Variants in TAT observed in about 807,000 individuals in gnomAD.
TAT encodes L-tyrosine:2-oxoglutarate aminotransferase.
TAT carries 35 observed loss-of-function variants against 53.6 expected under a neutral mutation model. The ratio of observed to expected loss-of-function variants is 0.65; its 90% CI spans 0.50 to 0.87. The LOEUF (loss-of-function observed/expected upper bound fraction) is 0.87. TAT is among the 40% of genes least tolerant of loss of function. The probability of loss-of-function intolerance (pLI) is 0.00; values close to 1 mark genes in which losing one functional copy is unlikely to be tolerated. For missense variants in TAT, 525 were observed against 571.8 expected, an observed-to-expected ratio of 0.92 and a Z score of 0.83; for synonymous variants, 197 against 206.5, an observed-to-expected ratio of 0.95 and a Z score of 0.39.
At chr16:71,570,144 T>TA in intron 9 of TAT, 125 bp downstream of exon 9, 1 of 1,499,416 alleles carries the variant, frequency 6.7e-7, no homozygotes, top group Non-Finnish European at 9.1e-7. Context: ...TGTGGATGCT[T>TA]ACACCGATGC....
intron 3 of TAT, among the ~76,000 whole-genome samples, chr16:71,574,464 C>T (rs933573547): frequency 7.3e-5 from 11 of 151,570 alleles, no homozygotes; most frequent in Non-Finnish European, 1.3e-4. Context: ...GCCTGTAATC[C>T]GAGCTACTCA....
rs764951157 is a variant in TAT, at chr16:71,575,923, G to A, written c.339C>T (p.Ile113=). The A allele has an allele frequency of 4.3e-5, 70 of 1,613,946 alleles. No homozygotes were observed. Among genetic ancestry groups the A allele is most frequent in the East Asian group, 1.6e-4 (7 of 44,886 alleles). Residue 113 remains isoleucine, a splice_region_variant and synonymous_variant, in exon 3 of 12, where the codon ATC becomes ATT. Coordinates refer to ENST00000355962, the MANE Select transcript of TAT (RefSeq NM_000353.3). The part of the protein sequence containing the change: ...SGKYNGYAPS[I]GFLSSREEIA... ...TATGGAGTCTCAGGAGGAGCTTACC[G>A]ATGGATGGGGCATAGCCATTATATT...
chr16:71,574,581 C>CAAAAAAAAAAAAAAAAAAAAAAAAAAAAA (rs71389677), intron 3 of TAT, among the ~76,000 whole-genome samples: 2 of 79,806 alleles, frequency 2.5e-5, no homozygotes, highest in Non-Finnish European at 4.8e-5. Flanking sequence ...AACTTCGTCT[C>CAAAAAAAAAAAAAAAAAAAAAAAAAAAAA]AAAAAAAAAA....
In TAT at chr16:71,570,719, C is replaced by T; in HGVS notation, c.872G>A (p.Trp291Ter). 2 of 1,614,186 alleles carry T rather than the reference C, an allele frequency of 1.2e-6. No individual in the cohort carries two copies. Among genetic ancestry groups the T allele is most frequent in the Non-Finnish European group, 8.5e-7 (1 of 1,180,048 alleles). ...GTCTCTTCGGTCATGAATGAGGATC[C>T]AGCCCAACCTCCAGCCAGGAACCAG... ...RWLVPGWRLG[W>*]ILIHDRRDIF... Residue 291 changes from tryptophan (W) to a stop codon, truncating the protein, a stop_gained, in exon 8 of 12, where the codon TGG (tryptophan) becomes TAG (stop). Transcript: ENST00000355962. LOFTEE classifies it high-confidence loss of function.
intron 3 of TAT, among the ~76,000 whole-genome samples, chr16:71,574,581 C>CAAAAAAAAAAAAAAA (rs71389677): frequency 1.3e-5 from 1 of 79,804 alleles, no homozygotes; most frequent in African/African-American, 5.0e-5. Context: ...AACTTCGTCT[C>CAAAAAAAAAAAAAAA]AAAAAAAAAA....
At chr16:71,573,131 A>G (rs1381073382) in intron 4 of TAT, among the ~76,000 whole-genome samples, 2 of 152,226 alleles carry the variant, frequency 1.3e-5, no homozygotes, top group Non-Finnish European at 2.9e-5. Context: ...TGGTACTTCT[A>G]TCTTTCTCTC....
At position 71,572,525 on chromosome 16, in the gene TAT, T is replaced by C. The variant is rs2044209914; in HGVS notation, c.567+5A>G. ...ATTTGAGTCTAAGATTAAAAAGTCA[T>C]TTACCAACAAATTGTAGAGTTTGAC... On this transcript the variant is annotated splice_donor_5th_base_variant and intron_variant, in intron 5 of 11. Transcript: ENST00000355962. 23 of 1,614,200 alleles carry C rather than the reference T, an allele frequency of 1.4e-5. No individual in the cohort carries two copies. Among genetic ancestry groups the C allele is most frequent in the Non-Finnish European group, 1.9e-5 (22 of 1,180,016 alleles).
chr16:71,573,393 TATATGAGA>T, intron 4 of TAT, 138 bp downstream of exon 4: 1 of 745,708 alleles, frequency 1.3e-6, no homozygotes, highest in Non-Finnish European at 2.4e-6. Context: ...TGACCCCAAC[TATATGAGA>T]AGTCTTCTAA....
rs748276506 is a variant in TAT, at chr16:71,572,170, A to G, written c.706+16T>C. The G allele has an allele frequency of 6.2e-7, 1 of 1,614,044 alleles. No homozygotes were observed. Among genetic ancestry groups the G allele is most frequent in the Non-Finnish European group, 8.5e-7 (1 of 1,179,900 alleles). On this transcript the variant is annotated intron_variant, in intron 6 of 11. Transcript: ENST00000355962. ...TCTGTCCCCACCTCGTCCTCTGTGA[A>G]GTCTGCTGGACGTACCTGCCAGAAT...
rs1189563027 is a variant in TAT, at chr16:71,566,457, A to T, written c.*1687T>A. The T allele has an allele frequency of 7.3e-6, 1 of 136,944 alleles. No homozygotes were observed. The highest frequency in any genetic ancestry group is 2.7e-5 in the African/African-American group (1 of 36,380). The allele number at this position is 136,944 out of a possible 1,614,324, so 8.5% of individuals were successfully genotyped here. On this transcript the variant is annotated 3_prime_UTR_variant, in exon 12 of 12. Transcript: ENST00000355962. ...AAAAATTAAACAGGCAACTGTGCCT[A>T]TGAAGATTTGCGAAAAAAAAAAAAA...
At chr16:71,570,654 A>G (rs767276932) in intron 8 of TAT, 25 bp downstream of exon 8, 1 of 1,614,042 alleles carries the variant, frequency 6.2e-7, no homozygotes, top group South Asian at 1.1e-5. Context: ...CCTAAATTAC[A>G]CATACTCTTT....
chr16:71,570,343 C>T lies in TAT; in HGVS notation c.967G>A (p.Val323Ile), dbSNP rs374843948. The change falls in exon 9 of 12, where the codon GTC becomes ATC. Residue 323 changes from valine to isoleucine, a missense_variant. Physicochemically the swap from Val to Ile is conservative, Grantham distance 29. Transcript: ENST00000355962. ...AGGATGCTTTTCAGAGCTCCCTGGACAATGGTACAGGGTCCCAAAATGCGC... is the reference window on the plus strand; with the variant it reads ...AGGATGCTTTTCAGAGCTCCCTGGATAATGGTACAGGGTCCCAAAATGCGC... ...SQRILGPCTI[V>I]QGALKSILCR... 1 of 1,614,190 alleles carries T rather than the reference C, an allele frequency of 6.2e-7. No individual in the cohort carries two copies. Among genetic ancestry groups the T allele is most frequent in the East Asian group, 2.2e-5 (1 of 44,870 alleles).
intron 7 of TAT, among the ~76,000 whole-genome samples, chr16:71,571,248 T>C (rs760675201): frequency 6.6e-6 from 1 of 152,200 alleles, no homozygotes; most frequent in Non-Finnish European, 1.5e-5. Context: ...ATACGTTATG[T>C]AACACTCCCA....
rs764232948 is a variant in TAT at position 71,570,706 on chromosome 16, A to G, written c.885T>C (p.His295=). ...CATTGCCAAAAATGTCTCTTCGGTC[A>G]TGAATGAGGATCCAGCCCAACCTCC... ...PGWRLGWILI[H]DRRDIFGNEI... The change falls in exon 8 of 12, where the codon CAT becomes CAC. Residue 295 remains histidine (H), a synonymous_variant. Coordinates refer to ENST00000355962, the MANE Select transcript of TAT (RefSeq NM_000353.3). 6.2e-7 allele frequency: 1 copy of G among 1,614,200 alleles called. No individual in the cohort carries two copies. The highest frequency in any genetic ancestry group is 1.7e-5 in the Admixed American group (1 of 60,022).
rs2145228709 is a variant in TAT at position 71,568,136 on chromosome 16, A to T, written c.*8T>A. The T allele has an allele frequency of 6.2e-7, 1 of 1,614,164 alleles. No individual in the cohort carries two copies. Among genetic ancestry groups the T allele is most frequent in the Middle Eastern group, 1.6e-4 (1 of 6,062 alleles). ...ATGGGACACATCCTCAGGAGAATGG[A>T]TGCAGGCCTATTTATCACACTCCTC... On this transcript the variant is annotated 3_prime_UTR_variant, in exon 12 of 12. Coordinates refer to ENST00000355962, the MANE Select transcript of TAT (RefSeq NM_000353.3).
chr16:71,574,550 C>T (rs950417583), intron 3 of TAT, among the ~76,000 whole-genome samples: 1 of 142,824 alleles, frequency 7.0e-6, no homozygotes, highest in South Asian at 2.2e-4. Context: ...CACTGCACTC[C>T]GCCTGGGCAA....
Position 71,572,254 on chromosome 16 carries a change from A to G in TAT, c.638T>C (p.Ile213Thr), listed in dbSNP as rs755810866. Residue 213 changes from isoleucine (I) to threonine (T), a missense_variant, in exon 6 of 12, where the codon ATT (isoleucine) becomes ACT (threonine). Transcript: ENST00000355962. ...YLIDEKTACL[I>T]VNNPSNPCGS... ...ACAGGGGTTTGATGGATTATTGACA[A>G]TGAGACAAGCTGTCTTTTCATCAAT... 3.7e-6 allele frequency: 6 copies of G among 1,614,220 alleles called. No individual in the cohort carries two copies. The highest frequency in any genetic ancestry group is 3.3e-5 in the South Asian group (3 of 91,084).
At chr16:71,570,530 G>T in intron 8 of TAT, 133 bp from the exon 9 acceptor site, 1 of 1,572,240 alleles carries the variant, frequency 6.4e-7, no homozygotes, top group East Asian at 2.3e-5. Flanking sequence ...TCTTAGATCA[G>T]ACCCTCTGGG....
In TAT at chr16:71,566,321, A is replaced by G. The variant is rs1419654201; in HGVS notation, c.*1823T>C. ...TTGAGACCTGAAGTTCCTCTTTTAG[A>G]TAAGGAAAATTTCCCTTGGTGAGAA... is the stretch of plus-strand genomic sequence containing the variant. On this transcript the variant is annotated 3_prime_UTR_variant, in exon 12 of 12. Coordinates refer to ENST00000355962, the MANE Select transcript of TAT (RefSeq NM_000353.3). The G allele has an allele frequency of 6.6e-6, 1 of 152,160 alleles. No homozygotes were observed. The highest frequency in any genetic ancestry group is 2.4e-5 in the African/African-American group (1 of 41,426). The allele number at this position is 152,160 out of a possible 1,614,324, so 9.4% of individuals were successfully genotyped here.
Sources: allele counts gnomAD v4.1 joint callset (sites outside exome capture counted in the v4.1 genomes callset), GRCh38; gene constraint gnomAD v4.1.1; transcripts MANE v1.5; gene names NCBI Gene and HGNC (gene_info 2026-07-23, HGNC 2026-07-21).